The following LYRM4 variants were observed in gnomAD, a reference collection of about 807,000 sequenced individuals.
LYRM4 encodes LYR motif-containing protein 4.
A neutral mutation model predicts 11.7 loss-of-function variants in LYRM4; 9 were observed. That is an observed-to-expected ratio of 0.77 (90% CI 0.46 to 1.34). The LOEUF is 1.34. Ranked by LOEUF, LYRM4 falls within the 40% of genes most tolerant of loss-of-function variation. LYRM4 has a pLI of 0.00. For synonymous variants in LYRM4, 42 were observed against 40.4 expected, an observed-to-expected ratio of 1.04 and a Z score of -0.15; for missense variants, 133 against 112.5, an observed-to-expected ratio of 1.18 and a Z score of -0.82.
the LYRM4 span, among the ~76,000 whole-genome samples, chr6:5,076,209 G>C: frequency 1.3e-5 from 2 of 152,092 alleles, no homozygotes; most frequent in African/African-American, 4.8e-5. Flanking sequence ...GCCTCCGGAA[G>C]TGTTGAGATT....
chr6:5,069,797 T>C, the LYRM4 span, among the ~76,000 whole-genome samples: 4 of 152,196 alleles, frequency 2.6e-5, no homozygotes, highest in African/African-American at 4.8e-5. Context: ...GTATTTTATG[T>C]ATTTATTTGT....
the LYRM4 span, among the ~76,000 whole-genome samples, chr6:5,061,624 T>G: frequency 6.6e-6 from 1 of 152,204 alleles, no homozygotes; most frequent in Admixed American, 6.5e-5. Context: ...TCTAACTACC[T>G]GCATGGTGCA....
chr6:5,223,709 G>A (rs1043550015), intron 1 of LYRM4, among the ~76,000 whole-genome samples: 1 of 152,192 alleles, frequency 6.6e-6, no homozygotes, highest in African/African-American at 2.4e-5. Context: ...AAGGGAAAGA[G>A]CTATTAATAA....
chr6:5,127,568 G>A lies in LYRM4; in HGVS notation c.208-18077C>T, dbSNP rs932325501. On this transcript the variant is annotated intron_variant, in intron 2 of 2. Transcript: ENST00000330636. ...AAATATGGCTGGTCCAAACAGAGAT[G>A]TTCTATAAAGTATAAAATACAGACT... is the stretch of plus-strand genomic sequence containing the variant. 6.0e-4 allele frequency among the ~76,000 whole-genome samples: 92 copies of A among 152,242 alleles called. 1 individual carries two copies. The highest frequency in any genetic ancestry group is 1.0e-3 in the Admixed American group (16 of 15,296).
At chr6:5,087,009 C>G in the LYRM4 span, 2 of 161,692 alleles carry the variant, frequency 1.2e-5, no homozygotes, top group Non-Finnish European at 1.3e-5. Context: ...CGTCCTGCCA[C>G]GGTGCACCAG....
At chr6:5,130,192 TG>T (rs1763885480) in intron 2 of LYRM4, among the ~76,000 whole-genome samples, 1 of 152,118 alleles carries the variant, frequency 6.6e-6, no homozygotes, top group African/African-American at 2.4e-5. Context: ...GGCCTGGGCG[TG>T]GGCTGCAGGG....
intron 2 of LYRM4, among the ~76,000 whole-genome samples, chr6:5,174,220 G>T (rs1456833071): frequency 6.6e-6 from 1 of 152,102 alleles, no homozygotes; most frequent in Non-Finnish European, 1.5e-5. Flanking sequence ...AGCTGTTGGT[G>T]TTTAGAGCTT....
At chr6:5,061,739 C>T in the LYRM4 span, among the ~76,000 whole-genome samples, 1 of 152,182 alleles carries the variant, frequency 6.6e-6, no homozygotes, top group Non-Finnish European at 1.5e-5. Flanking sequence ...CGCAGCCACC[C>T]AGAGCTCACG....
intron 2 of LYRM4, among the ~76,000 whole-genome samples, chr6:5,147,778 C>T (rs1471979666): frequency 1.9e-5 from 2 of 103,078 alleles, no homozygotes; most frequent in Non-Finnish European, 4.4e-5. Flanking sequence ...TGGTCCACGG[C>T]AGGGTGAATT....
the LYRM4 span, chr6:5,066,730 C>A: frequency 1.3e-6 from 1 of 793,594 alleles, no homozygotes; most frequent in Non-Finnish European, 2.2e-6. Context: ...ACGATTTGCG[C>A]CAGGGTCTCA....
chr6:5,234,903 C>G (rs1311992517), intron 1 of LYRM4, among the ~76,000 whole-genome samples: 2 of 152,068 alleles, frequency 1.3e-5, no homozygotes, highest in African/African-American at 2.4e-5. Context: ...ATGAGAATGC[C>G]AAACTCCTGT....
the LYRM4 span, chr6:5,087,025 G>C: frequency 6.3e-6 from 1 of 159,884 alleles, no homozygotes; most frequent in Non-Finnish European, 1.4e-5. Context: ...ACCAGAGGAA[G>C]GTGCCACGGA....
At chr6:5,065,807 C>A in the LYRM4 span, 1 of 325,708 alleles carries the variant, frequency 3.1e-6, no homozygotes, top group East Asian at 1.1e-4. Flanking sequence ...ACATATTTAC[C>A]AGGGTTTCAT....
At chr6:5,221,567 T>C (rs1174130647) in intron 1 of LYRM4, among the ~76,000 whole-genome samples, 1 of 152,076 alleles carries the variant, frequency 6.6e-6, no homozygotes, top group Non-Finnish European at 1.5e-5. Context: ...GTGGCACATG[T>C]CTGTAATCCC....
At chr6:5,061,347 G>T in the LYRM4 span, among the ~76,000 whole-genome samples, 1 of 152,074 alleles carries the variant, frequency 6.6e-6, no homozygotes, top group East Asian at 1.9e-4. Context: ...TTCAGTTTTG[G>T]CTGAACTGCC....
At chr6:5,204,881 C>T (rs745926846) in intron 2 of LYRM4, among the ~76,000 whole-genome samples, 27 of 152,174 alleles carry the variant, frequency 1.8e-4, no homozygotes, top group Non-Finnish European at 3.7e-4. Flanking sequence ...TTTGTCTATT[C>T]GCAAAGATGC....
chr6:5,174,064 T>G (rs1219418935), intron 2 of LYRM4, among the ~76,000 whole-genome samples: 2 of 152,332 alleles, frequency 1.3e-5, no homozygotes, highest in East Asian at 1.9e-4. Context: ...CAACCCAGTG[T>G]GCAAAGTGCA....
chr6:5,081,060 C>G, the LYRM4 span, among the ~76,000 whole-genome samples: 1 of 148,708 alleles, frequency 6.7e-6, no homozygotes, highest in Non-Finnish European at 1.5e-5. Context: ...AAGCTTGGAG[C>G]CTCTGAATGC....
Position 5,138,735 on chromosome 6 carries a change from T to C in LYRM4, c.208-29244A>G, listed in dbSNP as rs1476026784. On this transcript the variant is annotated intron_variant, in intron 2 of 2. Transcript: ENST00000330636. ...GGTGGCAGACAATGACTATGGACTT[T>C]ATGCCTGGGGGTAAAAAGAGAAAAA... 5.9e-6 allele frequency: 9 copies of C among 1,532,300 alleles called. No homozygotes were observed. The East Asian group carries it at 1.7e-4, about 29-fold the overall frequency. 94.9% of individuals were successfully genotyped at this position (1,532,300 alleles called of 1,614,324 possible). A position where few individuals can be genotyped will look rare whatever the true frequency, so the allele number is the denominator to read the frequency against.
Sources: gnomAD v4.1 joint callset for allele counts (sites outside exome capture counted in the v4.1 genomes callset) on GRCh38, gnomAD v4.1.1 for gene constraint, MANE v1.5 for transcripts, NCBI Gene and HGNC (gene_info 2026-07-23, HGNC 2026-07-21) for gene names.